Variants in GLIS3 observed in about 807,000 individuals in gnomAD.
The protein encoded by GLIS3 is zinc finger protein GLIS3.
In GLIS3, 53 loss-of-function variants were observed where a neutral mutation model predicts 78.6. That is an observed-to-expected ratio of 0.67 (90% confidence interval 0.54 to 0.85). The LOEUF is 0.85. GLIS3 is among the 40% of genes least tolerant of loss of function. GLIS3 has a pLI of 0.00. For synonymous variants in GLIS3, 684 were observed against 509.9 expected (o/e 1.34, Z -4.60); for missense variants, 1,703 against 1,231.1 (o/e 1.38, Z -5.74).
intron 2 of GLIS3, among the ~76,000 whole-genome samples, chr9:4,224,734 T>TA (rs1554625908): frequency 2.6e-5 from 4 of 151,310 alleles, no homozygotes; most frequent in Admixed American, 2.0e-4. Context: ...TTTTTTTTTT[T>TA]ATTTCTATCT....
At chr9:4,132,652 G>A (rs1402773745) in intron 2 of GLIS3, among the ~76,000 whole-genome samples, 1 of 151,952 alleles carries the variant, frequency 6.6e-6, no homozygotes, top group Non-Finnish European at 1.5e-5. Context: ...CCCCCATGGA[G>A]CCCACAGTCT....
intron 2 of GLIS3, among the ~76,000 whole-genome samples, chr9:4,131,494 C>T (rs1191971734): frequency 2.6e-5 from 4 of 152,076 alleles, no homozygotes; most frequent in African/African-American, 7.2e-5. Context: ...GGCACTGTCC[C>T]TTTGCTGCTA....
At chr9:4,283,042 G>T (rs931564674) in intron 2 of GLIS3, among the ~76,000 whole-genome samples, 1 of 151,518 alleles carries the variant, frequency 6.6e-6, no homozygotes, top group African/African-American at 2.4e-5. Context: ...TCCCTTCCCA[G>T]AATAAGTCCC....
the GLIS3 span, among the ~76,000 whole-genome samples, chr9:4,446,737 A>G: frequency 7.4e-5 from 11 of 149,206 alleles, no homozygotes. Context: ...CTGGTCTCAA[A>G]CTCCTGAACT....
the GLIS3 span, among the ~76,000 whole-genome samples, chr9:4,360,127 G>C: frequency 6.6e-6 from 1 of 152,104 alleles, no homozygotes; most frequent in Non-Finnish European, 1.5e-5. Context: ...TGAGGGCACA[G>C]GTTTTATGCA....
At chr9:4,179,044 T>A (rs906681881) in intron 2 of GLIS3, among the ~76,000 whole-genome samples, 1 of 152,188 alleles carries the variant, frequency 6.6e-6, no homozygotes, top group East Asian at 1.9e-4. Flanking sequence ...CATTCTGCAA[T>A]CACAAAAAGT....
chr9:4,082,944 C>A (rs545781482), intron 4 of GLIS3, among the ~76,000 whole-genome samples: 1 of 152,270 alleles, frequency 6.6e-6, no homozygotes, highest in South Asian at 2.1e-4. Context: ...GGGCTCAATG[C>A]TATTTTAGAT....
intron 4 of GLIS3, among the ~76,000 whole-genome samples, chr9:3,951,889 C>T (rs560927904): frequency 4.6e-5 from 7 of 151,362 alleles, no homozygotes; most frequent in Non-Finnish European, 8.8e-5. Context: ...CACACACGCA[C>T]GCACACACCC....
chr9:4,126,153 C>A (rs996454826), intron 2 of GLIS3, among the ~76,000 whole-genome samples: 3 of 152,042 alleles, frequency 2.0e-5, no homozygotes, highest in African/African-American at 4.8e-5. Flanking sequence ...AGCACTCATA[C>A]AAAATGTGCT....
intron 4 of GLIS3, among the ~76,000 whole-genome samples, chr9:4,092,276 C>T (rs933757655): frequency 1.1e-4 from 16 of 151,870 alleles, no homozygotes; most frequent in East Asian, 1.9e-4. Flanking sequence ...CTCAGCCTCC[C>T]GAGTAGCTGG....
At chr9:4,375,236 A>G in the GLIS3 span, among the ~76,000 whole-genome samples, 1 of 152,198 alleles carries the variant, frequency 6.6e-6, no homozygotes, top group Non-Finnish European at 1.5e-5. Context: ...AATCAAGTCT[A>G]ATGAACTCCC....
chr9:3,991,857 A>T (rs988300013), intron 4 of GLIS3, among the ~76,000 whole-genome samples: 10 of 151,670 alleles, frequency 6.6e-5, no homozygotes, highest in Non-Finnish European at 1.3e-4. Flanking sequence ...TGCCTGGCTA[A>T]TTTTTTGTAT....
intron 4 of GLIS3, among the ~76,000 whole-genome samples, chr9:4,009,010 G>A (rs375036773): frequency 2.0e-5 from 3 of 152,112 alleles, no homozygotes; most frequent in African/African-American, 7.2e-5. Flanking sequence ...ATGCATTCCT[G>A]AACCGGAGCC....
At chr9:4,321,818 C>T (rs1423302420) in intron 2 of GLIS3, among the ~76,000 whole-genome samples, 1 of 152,132 alleles carries the variant, frequency 6.6e-6, no homozygotes, top group Non-Finnish European at 1.5e-5. Flanking sequence ...AAGTGATTCT[C>T]ATGCCTCACC....
At chr9:4,179,334 G>C (rs1221811138) in intron 2 of GLIS3, among the ~76,000 whole-genome samples, 2 of 152,146 alleles carry the variant, frequency 1.3e-5, no homozygotes, top group South Asian at 2.1e-4. Flanking sequence ...AAATTACTGA[G>C]ACAGCATCTA....
At chr9:3,889,513 C>G (rs1822285918) in intron 7 of GLIS3, among the ~76,000 whole-genome samples, 2 of 152,122 alleles carry the variant, frequency 1.3e-5, no homozygotes, top group African/African-American at 2.4e-5. Context: ...TTATGGGGAT[C>G]AATAAAATGA....
intron 2 of GLIS3, among the ~76,000 whole-genome samples, chr9:4,257,546 T>C (rs987044233): frequency 2.1e-5 from 3 of 143,390 alleles, no homozygotes; most frequent in Non-Finnish European, 4.5e-5. Flanking sequence ...GTTAATTTGC[T>C]TGACAAATTA....
the GLIS3 span, among the ~76,000 whole-genome samples, chr9:4,473,697 G>C: frequency 6.6e-6 from 1 of 151,888 alleles, no homozygotes; most frequent in Non-Finnish European, 1.5e-5. Context: ...CTTAATACCA[G>C]GGTGACAAAA....
At chr9:4,128,586 C>A (rs1832741812) in intron 2 of GLIS3, among the ~76,000 whole-genome samples, 1 of 152,158 alleles carries the variant, frequency 6.6e-6, no homozygotes, top group South Asian at 2.1e-4. Context: ...TGATGATATA[C>A]AGTACCATTT....
Sources: gnomAD v4.1 joint callset for allele counts (sites outside exome capture counted in the v4.1 genomes callset) on GRCh38, gnomAD v4.1.1 for gene constraint, MANE v1.5 for transcripts, NCBI Gene and HGNC (gene_info 2026-07-23, HGNC 2026-07-21) for gene names.